ERC2: variants seen among roughly 807,000 people sequenced by gnomAD.
ERC2 encodes ELKS/RAB6-interacting/CAST family member 2.
Under a neutral mutation model 114.8 loss-of-function variants are expected in ERC2, and 42 were observed. The observed-to-expected ratio is 0.37, with a 90% CI of 0.29 to 0.47. The LOEUF (loss-of-function observed/expected upper bound fraction) is 0.47. ERC2 is among the 20% of genes least tolerant of loss of function. ERC2 has a pLI of 0.99. For missense variants in ERC2, 939 were observed against 1,150.7 expected (o/e 0.82, Z 2.66); for synonymous variants, 454 against 425.5 (o/e 1.07, Z -0.82).
chr3:55,944,505 C>T (rs781762372), intron 13 of ERC2, among the ~76,000 whole-genome samples: 13 of 152,154 alleles, frequency 8.5e-5, no homozygotes, highest in South Asian at 2.1e-4. Flanking sequence ...AGTTACTGCA[C>T]ATTTGGAAAA....
intron 14 of ERC2, among the ~76,000 whole-genome samples, chr3:55,767,259 G>A (rs1304768670): frequency 3.3e-5 from 5 of 152,264 alleles, no homozygotes; most frequent in South Asian, 2.1e-4. Context: ...ATTGCTCAGC[G>A]GGCTTAGGTT....
intron 1 of ERC2, among the ~76,000 whole-genome samples, chr3:56,466,020 A>C (rs1004142752): frequency 3.3e-5 from 5 of 152,364 alleles, no homozygotes; most frequent in Admixed American, 3.3e-4. Context: ...TTTCATACTA[A>C]ACTGTGGCAA....
At chr3:55,589,962 C>A (rs2057791542) in intron 17 of ERC2, among the ~76,000 whole-genome samples, 1 of 152,140 alleles carries the variant, frequency 6.6e-6, no homozygotes, top group South Asian at 2.1e-4. Flanking sequence ...TCCATGAAAA[C>A]CTTCTCCTCC....
chr3:56,297,998 G>A (rs941547088), intron 2 of ERC2, among the ~76,000 whole-genome samples: 3 of 152,166 alleles, frequency 2.0e-5, no homozygotes, highest in Non-Finnish European at 4.4e-5. Flanking sequence ...ATACCACAGT[G>A]CCTCTCAGGG....
intron 12 of ERC2, among the ~76,000 whole-genome samples, chr3:55,983,403 C>T (rs900611643): frequency 2.0e-5 from 3 of 152,146 alleles, no homozygotes; most frequent in African/African-American, 7.2e-5. Context: ...ATACAGAGAT[C>T]CTGACAAACC....
intron 7 of ERC2, among the ~76,000 whole-genome samples, chr3:56,077,888 T>C (rs186552569): frequency 6.6e-6 from 1 of 152,272 alleles, no homozygotes; most frequent in Admixed American, 6.5e-5. Context: ...CACTAGGTAG[T>C]GGTCAAAAGT....
intron 13 of ERC2, among the ~76,000 whole-genome samples, chr3:55,896,254 T>A (rs970101935): frequency 2.0e-5 from 3 of 152,210 alleles, no homozygotes; most frequent in African/African-American, 7.2e-5. Flanking sequence ...ACAATAGTGA[T>A]TTTAAAGAAA....
At chr3:56,398,554 A>G (rs1196431163) in intron 2 of ERC2, among the ~76,000 whole-genome samples, 3 of 152,196 alleles carry the variant, frequency 2.0e-5, no homozygotes, top group Non-Finnish European at 4.4e-5. Flanking sequence ...ATGTGTGTAT[A>G]TATACATATA....
intron 17 of ERC2, among the ~76,000 whole-genome samples, chr3:55,578,106 C>G (rs1380641108): frequency 2.0e-5 from 3 of 152,172 alleles, no homozygotes; most frequent in Admixed American, 6.5e-5. Context: ...TTAGGGCCAT[C>G]CTCATCTGAG....
chr3:56,094,838 A>C (rs1007510089), intron 6 of ERC2, among the ~76,000 whole-genome samples: 3 of 152,248 alleles, frequency 2.0e-5, no homozygotes, highest in African/African-American at 7.2e-5. Flanking sequence ...TTCCATTGAT[A>C]ATGACTGAAA....
intron 12 of ERC2, among the ~76,000 whole-genome samples, chr3:55,985,705 A>C (rs150343197): frequency 1.3e-5 from 2 of 152,318 alleles, no homozygotes; most frequent in East Asian, 3.9e-4. Flanking sequence ...TGCACTGGGG[A>C]GTTATCATGA....
intron 6 of ERC2, among the ~76,000 whole-genome samples, chr3:56,083,125 C>T (rs2077324089): frequency 6.6e-6 from 1 of 152,120 alleles, no homozygotes; most frequent in South Asian, 2.1e-4. Flanking sequence ...CAACATTGTT[C>T]ATAATGGATC....
At chr3:55,950,880 T>C (rs766632980) in intron 12 of ERC2, among the ~76,000 whole-genome samples, 21 of 152,190 alleles carry the variant, frequency 1.4e-4, no homozygotes, top group Non-Finnish European at 2.6e-4. Flanking sequence ...AGGAAACAAA[T>C]AGCATGCTGT....
chr3:56,409,211 T>C (rs1416014945), intron 2 of ERC2, among the ~76,000 whole-genome samples: 1 of 152,184 alleles, frequency 6.6e-6, no homozygotes, highest in Non-Finnish European at 1.5e-5. Context: ...TATGCGTGTA[T>C]GCATGTGTCC....
chr3:55,851,834 A>G (rs1347729579), intron 14 of ERC2, among the ~76,000 whole-genome samples: 1 of 152,068 alleles, frequency 6.6e-6, no homozygotes, highest in African/African-American at 2.4e-5. Context: ...AATAAGGAGA[A>G]GATATGACAA....
At chr3:55,684,211 A>T (rs2062209661) in intron 16 of ERC2, among the ~76,000 whole-genome samples, 1 of 152,176 alleles carries the variant, frequency 6.6e-6, no homozygotes, top group Non-Finnish European at 1.5e-5. Context: ...TAAGGAGTAG[A>T]TTAAACCTTT....
intron 2 of ERC2, among the ~76,000 whole-genome samples, chr3:56,344,566 G>A (rs1363193065): frequency 6.6e-6 from 1 of 152,108 alleles, no homozygotes; most frequent in Non-Finnish European, 1.5e-5. Context: ...AAGAAAGGGT[G>A]GACCTGACAC....
chr3:55,895,222 G>T (rs1201771034), intron 13 of ERC2, among the ~76,000 whole-genome samples: 1 of 152,106 alleles, frequency 6.6e-6, no homozygotes, highest in Non-Finnish European at 1.5e-5. Flanking sequence ...GAATCCCTTG[G>T]GAAGCTTTTA....
At chr3:55,885,404 TC>T (rs1559815339) in intron 14 of ERC2, among the ~76,000 whole-genome samples, 1 of 152,170 alleles carries the variant, frequency 6.6e-6, no homozygotes, top group Non-Finnish European at 1.5e-5. Flanking sequence ...ACCTAAGTCC[TC>T]CCATAGTCCC....
Sources: gnomAD v4.1 joint callset for allele counts (sites outside exome capture counted in the v4.1 genomes callset) on GRCh38, gnomAD v4.1.1 for gene constraint, MANE v1.5 for transcripts, NCBI Gene and HGNC (gene_info 2026-07-23, HGNC 2026-07-21) for gene names.